The following JADE3 variants were observed in gnomAD, a reference collection of about 807,000 sequenced individuals.
JADE3 encodes the protein protein Jade-3.
JADE3 carries 2 observed loss-of-function variants against 50.1 expected under a neutral mutation model. The observed-to-expected ratio is 0.04, with a 90% confidence interval of 0.02 to 0.13. The LOEUF is 0.13. Ranked by LOEUF, JADE3 falls within the 10% of genes least tolerant of loss-of-function variation. JADE3 has a pLI of 1.00. For missense variants in JADE3, 475 were observed against 634.4 expected (o/e 0.75, Z 2.70); for synonymous variants, 218 against 232.9 (o/e 0.94, Z 0.58).
chrX:46,984,058 CA>C (rs1253251324), intron 1 of JADE3, among the ~76,000 whole-genome samples: 2 of 112,141 alleles, frequency 1.8e-5, no homozygotes, highest in Non-Finnish European at 1.9e-5. Context: ...TGTTGTGGCA[CA>C]TAAAAGAATG....
At chrX:46,957,213 TTAGATAGATAGA>T (rs61650300) in intron 1 of JADE3, among the ~76,000 whole-genome samples, 1,195 of 98,564 alleles carry the variant, frequency 0.012, 13 homozygotes, top group Middle Eastern at 0.055. Context: ...TTCAGATAGA[TTAGATAGATAGA>T]TAGATAGATA....
At chrX:47,005,107 C>T (rs1252647741) in intron 4 of JADE3, among the ~76,000 whole-genome samples, 15 of 111,590 alleles carry the variant, frequency 1.3e-4, no homozygotes, top group African/African-American at 4.2e-4. Flanking sequence ...TTTTTGTTCC[C>T]AGAGTTGGTG....
intron 4 of JADE3, among the ~76,000 whole-genome samples, chrX:47,017,625 A>G (rs1928704093): frequency 8.9e-6 from 1 of 112,182 alleles, no homozygotes; most frequent in African/African-American, 3.2e-5. Flanking sequence ...GTGTATGCTT[A>G]TACACATGCA....
intron 4 of JADE3, among the ~76,000 whole-genome samples, chrX:47,005,331 C>T (rs1602404979): frequency 9.0e-6 from 1 of 111,236 alleles, no homozygotes; most frequent in East Asian, 2.8e-4. Flanking sequence ...ACCTTCGCCT[C>T]CCTGGTTAAA....
At chrX:47,012,898 C>T (rs782794690) in intron 4 of JADE3, among the ~76,000 whole-genome samples, 51 of 111,212 alleles carry the variant, frequency 4.6e-4, no homozygotes, top group Non-Finnish European at 9.4e-5. Flanking sequence ...AAATGATGAA[C>T]ACTGTACCCC....
intron 1 of JADE3, among the ~76,000 whole-genome samples, chrX:46,945,815 T>C (rs1556343271): frequency 8.9e-6 from 1 of 111,781 alleles, no homozygotes; most frequent in Non-Finnish European, 1.9e-5. Flanking sequence ...GTTGGTGAGC[T>C]ACCATTTTCT....
intron 1 of JADE3, among the ~76,000 whole-genome samples, chrX:46,919,208 G>C (rs1556337174): frequency 8.9e-6 from 1 of 111,868 alleles, no homozygotes; most frequent in Non-Finnish European, 1.9e-5. Context: ...TGGCTTAACT[G>C]CTTTCTGATC....
chrX:46,922,445 T>C (rs1281782602), intron 1 of JADE3, among the ~76,000 whole-genome samples: 2 of 111,412 alleles, frequency 1.8e-5, no homozygotes, highest in African/African-American at 6.5e-5. Context: ...AATAATTCTA[T>C]CTTGTTCTTT....
At chrX:46,990,655 T>A (rs1484868986) in intron 3 of JADE3, among the ~76,000 whole-genome samples, 1 of 111,651 alleles carries the variant, frequency 9.0e-6, no homozygotes, top group Non-Finnish European at 1.9e-5. Context: ...GACACCCCAA[T>A]AATCACCCTC....
rs1477441922 is a variant in JADE3 at position 47,060,781 on chromosome X, A to G, written c.*1704A>G. 1 of 111,926 alleles carries G rather than the reference A, an allele frequency of 8.9e-6. No individual in the cohort carries two copies. Among genetic ancestry groups the G allele is most frequent in the East Asian group, 2.8e-4 (1 of 3,576 alleles). 9.2% of individuals were successfully genotyped at this position (111,926 alleles called of 1,213,427 possible). On this transcript the variant is annotated 3_prime_UTR_variant, in exon 11 of 11. Coordinates refer to ENST00000614628, the MANE Select transcript of JADE3 (RefSeq NM_014735.5). ...ACTAGGTTTCTGTGCTTTTTCTTTG[A>G]GTTCTCTGGAGTAGATATTAATTTG...
intron 1 of JADE3, among the ~76,000 whole-genome samples, chrX:46,978,183 A>G (rs186324624): frequency 8.9e-6 from 1 of 111,880 alleles, no homozygotes; most frequent in Admixed American, 9.5e-5. Flanking sequence ...CATAAAATGC[A>G]CTAACACCTA....
At chrX:46,993,526 G>A (rs1476402959) in intron 3 of JADE3, among the ~76,000 whole-genome samples, 2 of 111,492 alleles carry the variant, frequency 1.8e-5, no homozygotes, top group African/African-American at 6.5e-5. Flanking sequence ...CCCCTTCTCC[G>A]TTATACCTCT....
intron 1 of JADE3, among the ~76,000 whole-genome samples, chrX:46,925,375 A>C (rs1289889749): frequency 1.8e-5 from 2 of 112,833 alleles, no homozygotes; most frequent in Middle Eastern, 4.6e-3. Context: ...TTATTTAAAG[A>C]GATGACTATT....
chrX:46,917,901 CA>C (rs1247780498), intron 1 of JADE3, among the ~76,000 whole-genome samples: 13 of 102,934 alleles, frequency 1.3e-4, no homozygotes, highest in African/African-American at 4.3e-4. Flanking sequence ...CTCTCTCTCT[CA>C]TCCTCTCTCA....
chrX:46,993,628 T>C (rs1400154416), intron 3 of JADE3, among the ~76,000 whole-genome samples: 1 of 112,155 alleles, frequency 8.9e-6, no homozygotes, highest in East Asian at 2.8e-4. Flanking sequence ...TGTTAGCCCA[T>C]AGCCATCAAA....
At chrX:46,930,637 T>A (rs1016244234) in intron 1 of JADE3, among the ~76,000 whole-genome samples, 2 of 111,617 alleles carry the variant, frequency 1.8e-5, no homozygotes, top group Non-Finnish European at 3.8e-5. Context: ...ACAACCAAAC[T>A]TCCCAGTCCT....
intron 1 of JADE3, among the ~76,000 whole-genome samples, chrX:46,941,491 A>G (rs1926756694): frequency 8.9e-6 from 1 of 111,823 alleles, no homozygotes. Context: ...ACCACTTTCC[A>G]CAGTGGCTGG....
chrX:46,941,636 G>A (rs1457830735), intron 1 of JADE3, among the ~76,000 whole-genome samples: 1 of 111,147 alleles, frequency 9.0e-6, no homozygotes, highest in African/African-American at 3.3e-5. Context: ...GTTTTGATTT[G>A]CATTTCTCTG....
chrX:46,918,091 T>C (rs1926146419), intron 1 of JADE3, among the ~76,000 whole-genome samples: 1 of 111,685 alleles, frequency 9.0e-6, no homozygotes, highest in African/African-American at 3.3e-5. Context: ...GTTTCTATGA[T>C]GCTGGAAGAA....
Sources: gnomAD v4.1 joint callset for allele counts (sites outside exome capture counted in the v4.1 genomes callset) on GRCh38, gnomAD v4.1.1 for gene constraint, MANE v1.5 for transcripts, NCBI Gene and HGNC (gene_info 2026-07-23, HGNC 2026-07-21) for gene names.